Variants in SYN2 observed in about 807,000 individuals in gnomAD.
SYN2 encodes synapsin-2.
In SYN2, 19 loss-of-function variants were observed where a neutral mutation model predicts 50.9. The ratio of observed to expected loss-of-function variants is 0.37; its 90% CI spans 0.26 to 0.55. The LOEUF (loss-of-function observed/expected upper bound fraction) is 0.55, where lower values mean the gene tolerates loss of function less well. Ranked by LOEUF, SYN2 falls within the 20% of genes least tolerant of loss-of-function variation. SYN2 has a pLI of 0.81. For missense variants in SYN2, 587 were observed against 576.4 expected (o/e 1.02, Z -0.19); for synonymous variants, 255 against 224.9 (o/e 1.13, Z -1.20).
chr3:12,068,505 G>A (rs1426219092), intron 1 of SYN2, among the ~76,000 whole-genome samples: 1 of 152,080 alleles, frequency 6.6e-6, no homozygotes, highest in Non-Finnish European at 1.5e-5. Context: ...TGACTCTCTG[G>A]AGCCCTTTCA....
chr3:12,114,504 T>C (rs1420758871), intron 1 of SYN2, among the ~76,000 whole-genome samples: 2 of 152,172 alleles, frequency 1.3e-5, no homozygotes, highest in South Asian at 2.1e-4. Context: ...ATCTTAAAAA[T>C]CTTGCTTACT....
At chr3:12,071,943 C>A (rs1695362519) in intron 1 of SYN2, among the ~76,000 whole-genome samples, 1 of 152,126 alleles carries the variant, frequency 6.6e-6, no homozygotes, top group African/African-American at 2.4e-5. Flanking sequence ...ATGTATTAAT[C>A]CTTTTAATTT....
At chr3:12,050,173 T>C (rs939911160) in intron 1 of SYN2, among the ~76,000 whole-genome samples, 1 of 152,100 alleles carries the variant, frequency 6.6e-6, no homozygotes, top group African/African-American at 2.4e-5. Context: ...AGTGCTGGGA[T>C]TACAGGCATG....
At chr3:12,107,744 A>T (rs1477518062) in intron 1 of SYN2, among the ~76,000 whole-genome samples, 2 of 152,022 alleles carry the variant, frequency 1.3e-5, no homozygotes, top group African/African-American at 4.8e-5. Flanking sequence ...TCTGTATTTT[A>T]AAAATGCTAT....
chr3:12,079,419 TATG>T (rs1161731581), intron 1 of SYN2, among the ~76,000 whole-genome samples: 1 of 152,226 alleles, frequency 6.6e-6, no homozygotes, highest in African/African-American at 2.4e-5. Context: ...GCCCATTCAG[TATG>T]ATATCGACTG....
chr3:12,064,185 C>A (rs1295038557), intron 1 of SYN2, among the ~76,000 whole-genome samples: 3 of 151,858 alleles, frequency 2.0e-5, no homozygotes, highest in Admixed American at 2.0e-4. Flanking sequence ...AGTTGAGGGG[C>A]AGTCTACAAA....
intron 1 of SYN2, among the ~76,000 whole-genome samples, chr3:12,051,350 AGTATTTT>A (rs1192420334): frequency 2.0e-5 from 3 of 151,936 alleles, no homozygotes; most frequent in African/African-American, 4.8e-5. Context: ...TAAAGCAGAG[AGTATTTT>A]GCTTAGATAT....
intron 5 of SYN2, among the ~76,000 whole-genome samples, chr3:12,161,076 C>T (rs547392274): frequency 4.4e-4 from 67 of 152,296 alleles, no homozygotes; most frequent in African/African-American, 1.6e-3. Context: ...AGGATCATTA[C>T]AGGAAAGCTG....
chr3:12,185,349 G>A, intron 11 of SYN2: 1 of 985,712 alleles, frequency 1.0e-6, no homozygotes, highest in Non-Finnish European at 1.2e-6. Flanking sequence ...TGCTTTTCAT[G>A]TGTCATTTGT....
chr3:12,104,764 G>A (rs890175568), intron 1 of SYN2, among the ~76,000 whole-genome samples: 1 of 151,514 alleles, frequency 6.6e-6, no homozygotes, highest in Non-Finnish European at 1.5e-5. Flanking sequence ...TAGTAGAGAT[G>A]GAGTTTCACC....
intron 1 of SYN2, among the ~76,000 whole-genome samples, chr3:12,091,246 G>A (rs1350681725): frequency 6.6e-6 from 1 of 152,110 alleles, no homozygotes. Context: ...ATCTCTATGG[G>A]TATTCTGTGA....
At chr3:12,084,489 T>A (rs530765071) in intron 1 of SYN2, among the ~76,000 whole-genome samples, 1 of 152,232 alleles carries the variant, frequency 6.6e-6, no homozygotes, top group East Asian at 1.9e-4. Context: ...CTGAGGGAAT[T>A]TATCACCACT....
intron 1 of SYN2, among the ~76,000 whole-genome samples, chr3:12,081,381 T>C (rs966107274): frequency 4.6e-5 from 7 of 152,242 alleles, no homozygotes; most frequent in Non-Finnish European, 1.0e-4. Flanking sequence ...AAAAGGTAAC[T>C]GAAAGACAAT....
At chr3:12,065,656 C>G (rs914265453) in intron 1 of SYN2, among the ~76,000 whole-genome samples, 5 of 152,032 alleles carry the variant, frequency 3.3e-5, no homozygotes, top group African/African-American at 1.2e-4. Context: ...ACATTGGGTA[C>G]TCGTAGACAT....
intron 10 of SYN2, among the ~76,000 whole-genome samples, chr3:12,170,285 T>G (rs1697909631): frequency 6.6e-6 from 1 of 152,222 alleles, no homozygotes; most frequent in Non-Finnish European, 1.5e-5. Context: ...TATTCACTGC[T>G]TCACTGTGTT....
At chr3:12,145,951 C>T (rs1160594104) in intron 4 of SYN2, 116 bp downstream of exon 4, 1 of 1,425,204 alleles carries the variant, frequency 7.0e-7, no homozygotes. Context: ...GTCCCTACAT[C>T]TTCCAGGCCC....
At chr3:12,010,420 G>C (rs567509491) in intron 1 of SYN2, among the ~76,000 whole-genome samples, 1 of 152,122 alleles carries the variant, frequency 6.6e-6, no homozygotes, top group African/African-American at 2.4e-5. Flanking sequence ...TATTGGAATC[G>C]TCCAGTCCAA....
At chr3:12,071,875 A>G (rs1205459730) in intron 1 of SYN2, among the ~76,000 whole-genome samples, 1 of 152,216 alleles carries the variant, frequency 6.6e-6, no homozygotes, top group Admixed American at 6.5e-5. Context: ...TTCCTGCCAG[A>G]ACACCGAGGG....
intron 1 of SYN2, among the ~76,000 whole-genome samples, chr3:12,048,291 C>T (rs898763158): frequency 1.3e-5 from 2 of 152,174 alleles, no homozygotes; most frequent in Non-Finnish European, 2.9e-5. Context: ...CCTCAGCCTC[C>T]CGAGTAGCTG....
Sources: gnomAD v4.1 joint callset for allele counts (sites outside exome capture counted in the v4.1 genomes callset) on GRCh38, gnomAD v4.1.1 for gene constraint, MANE v1.5 for transcripts, NCBI Gene and HGNC (gene_info 2026-07-23, HGNC 2026-07-21) for gene names.